Variants in SLC39A11 observed in about 807,000 individuals in gnomAD.
SLC39A11 encodes the protein solute carrier family 39 member 11.
SLC39A11 carries 33 observed loss-of-function variants against 36.1 expected under a neutral mutation model. That is an observed-to-expected ratio of 0.91 (90% CI 0.69 to 1.22). The LOEUF is 1.22. Among genes scored for constraint, SLC39A11 ranks in the 50% most tolerant of loss-of-function variants. SLC39A11 has a pLI of 0.00. For missense variants in SLC39A11, 432 were observed against 430.3 expected, an observed-to-expected ratio of 1.00 and a Z score of -0.03; for synonymous variants, 166 against 170.3, an observed-to-expected ratio of 0.97 and a Z score of 0.20.
intron 5 of SLC39A11, among the ~76,000 whole-genome samples, chr17:72,884,660 T>C (rs1472134531): frequency 6.6e-6 from 1 of 152,220 alleles, no homozygotes; most frequent in Non-Finnish European, 1.5e-5. Flanking sequence ...AGCTCTGGGA[T>C]CTATCTTGAA....
chr17:72,882,667 C>CT (rs1222296316), intron 5 of SLC39A11, among the ~76,000 whole-genome samples: 1 of 152,168 alleles, frequency 6.6e-6, no homozygotes, highest in Non-Finnish European at 1.5e-5. Context: ...ACTGTTTAAC[C>CT]TAGTAGTCTT....
chr17:73,005,828 G>A (rs751299882), intron 4 of SLC39A11, among the ~76,000 whole-genome samples: 5 of 152,186 alleles, frequency 3.3e-5, no homozygotes, highest in Non-Finnish European at 7.3e-5. Flanking sequence ...GCGCAGGTCT[G>A]TAGTCCCAGC....
chr17:72,875,309 C>T (rs187263483), intron 5 of SLC39A11, among the ~76,000 whole-genome samples: 10 of 152,160 alleles, frequency 6.6e-5, no homozygotes, highest in Admixed American at 1.3e-4. Flanking sequence ...TTAATTATAC[C>T]GAGGCAGAGT....
chr17:72,983,603 G>A lies in SLC39A11; in HGVS notation c.307-35728C>T, dbSNP rs551063134. Reference sequence around the variant, plus strand: ...CTTAGGGAGACAGAAAGCACCTCTGGAAAAATACAGAAAACAACCTGGTTA... The same window carrying A: ...CTTAGGGAGACAGAAAGCACCTCTGAAAAAATACAGAAAACAACCTGGTTA... On this transcript the variant is annotated intron_variant, in intron 4 of 9. Coordinates refer to ENST00000255559, the MANE Select transcript of SLC39A11 (RefSeq NM_139177.4). 1.5e-3 allele frequency among the ~76,000 whole-genome samples: 233 copies of A among 152,294 alleles called. 1 individual carries two copies. The highest frequency in any genetic ancestry group is 5.5e-3 in the African/African-American group (229 of 41,556).
intron 5 of SLC39A11, among the ~76,000 whole-genome samples, chr17:72,907,167 G>C (rs2082697594): frequency 6.6e-6 from 1 of 152,188 alleles, no homozygotes; most frequent in African/African-American, 2.4e-5. Flanking sequence ...TGTCCTGCTG[G>C]AGAGCACAAG....
At position 72,685,071 on chromosome 17, in the gene SLC39A11, T is replaced by C. The variant is rs1263145981; in HGVS notation, c.672-35803A>G. On this transcript the variant is annotated intron_variant, in intron 7 of 9. Coordinates refer to ENST00000255559, the MANE Select transcript of SLC39A11 (RefSeq NM_139177.4). Reference sequence around the variant, plus strand: ...TCGATTCAACTCCACTGAGTAGATGTTCGTCCATTTAGTTGGTAACAATTT... The same window carrying C: ...TCGATTCAACTCCACTGAGTAGATGCTCGTCCATTTAGTTGGTAACAATTT... Among the ~76,000 whole-genome samples the C allele has an allele frequency of 2.6e-5, 4 of 152,210 alleles. No homozygotes were observed. In the East Asian group the frequency reaches 5.8e-4, roughly 22 times the overall value.
chr17:72,758,607 C>G (rs1025975076), intron 6 of SLC39A11, among the ~76,000 whole-genome samples: 1 of 152,122 alleles, frequency 6.6e-6, no homozygotes, highest in Non-Finnish European at 1.5e-5. Context: ...AAGGGAGATC[C>G]TTTTCCTTTT....
intron 5 of SLC39A11, chr17:72,947,522 C>A (rs1041401804): frequency 4.9e-6 from 3 of 607,734 alleles, no homozygotes; most frequent in Non-Finnish European, 8.6e-6. Flanking sequence ...CAAAAGGTAC[C>A]GTTACCTTCT....
intron 3 of SLC39A11, among the ~76,000 whole-genome samples, chr17:73,067,067 G>A (rs917075399): frequency 1.3e-5 from 2 of 152,188 alleles, no homozygotes; most frequent in African/African-American, 4.8e-5. Flanking sequence ...TATACACCAA[G>A]AAGGTAAATC....
At chr17:72,786,884 A>G (rs1480611789) in intron 6 of SLC39A11, among the ~76,000 whole-genome samples, 1 of 152,154 alleles carries the variant, frequency 6.6e-6, no homozygotes, top group Non-Finnish European at 1.5e-5. Flanking sequence ...CAATGGCGCA[A>G]TCTTGGCTCA....
In SLC39A11 at chr17:72,674,732, A is replaced by G. The variant is rs2071177949; in HGVS notation, c.672-25464T>C. On this transcript the variant is annotated intron_variant, in intron 7 of 9. Coordinates refer to ENST00000255559, the MANE Select transcript of SLC39A11 (RefSeq NM_139177.4). ...AATTTCACAGTTTTACATTTTCCCC[A>G]CTGATAGGTCAGAAATGGTGTCCTA... 2.6e-5 allele frequency among the ~76,000 whole-genome samples: 4 copies of G among 152,122 alleles called. No homozygotes were observed. The South Asian group carries it at 8.3e-4, about 32-fold the overall frequency.
intron 5 of SLC39A11, among the ~76,000 whole-genome samples, chr17:72,946,716 C>T (rs1052344332): frequency 5.3e-5 from 8 of 152,114 alleles, no homozygotes; most frequent in African/African-American, 1.7e-4. Context: ...CTATATAAAT[C>T]CAAAGGGGAA....
intron 3 of SLC39A11, among the ~76,000 whole-genome samples, chr17:73,074,702 T>C (rs1022967833): frequency 1.3e-5 from 2 of 152,166 alleles, no homozygotes; most frequent in African/African-American, 2.4e-5. Flanking sequence ...GAGAGCATCA[T>C]TAACTTCCAA....
chr17:73,071,548 G>A (rs1258466500), intron 3 of SLC39A11, among the ~76,000 whole-genome samples: 4 of 152,222 alleles, frequency 2.6e-5, no homozygotes, highest in African/African-American at 9.6e-5. Flanking sequence ...ATTCCAGAGA[G>A]CATTCCTCCA....
intron 3 of SLC39A11, among the ~76,000 whole-genome samples, chr17:73,068,621 G>T (rs1324258294): frequency 6.6e-6 from 1 of 152,106 alleles, no homozygotes. Flanking sequence ...AGGGCAGTTG[G>T]CCCCAGACAC....
intron 3 of SLC39A11, among the ~76,000 whole-genome samples, chr17:73,062,200 C>G (rs1292436332): frequency 6.6e-6 from 1 of 151,840 alleles, no homozygotes; most frequent in African/African-American, 2.4e-5. Context: ...TAGTTCATAC[C>G]TGTAATCCCA....
intron 7 of SLC39A11, among the ~76,000 whole-genome samples, chr17:72,735,109 C>T: frequency 6.6e-6 from 1 of 152,182 alleles, no homozygotes; most frequent in Non-Finnish European, 1.5e-5. Context: ...CCATAAGCAT[C>T]ATTTTAATGA....
At chr17:72,692,063 T>C (rs2072054840) in intron 7 of SLC39A11, among the ~76,000 whole-genome samples, 2 of 150,426 alleles carry the variant, frequency 1.3e-5, no homozygotes, top group South Asian at 4.2e-4. Context: ...CAGGCTGGAG[T>C]GCAGTGGCGC....
chr17:72,748,475 T>C (rs563041442), intron 6 of SLC39A11, among the ~76,000 whole-genome samples: 1 of 152,332 alleles, frequency 6.6e-6, no homozygotes, highest in Non-Finnish European at 1.5e-5. Flanking sequence ...TATCCGATTG[T>C]TTCACGTTGG....
Sources: allele counts gnomAD v4.1 joint callset (sites outside exome capture counted in the v4.1 genomes callset), GRCh38; gene constraint gnomAD v4.1.1; transcripts MANE v1.5; gene names NCBI Gene and HGNC (gene_info 2026-07-23, HGNC 2026-07-21).